The following RAPGEF2 variants were observed in gnomAD, a reference collection of about 807,000 sequenced individuals.
RAPGEF2 encodes the protein PDZ domain containing guanine nucleotide exchange factor (GEF) 1.
Under a neutral mutation model 186.7 loss-of-function variants are expected in RAPGEF2, and 54 were observed. The ratio of observed to expected loss-of-function variants is 0.29; its 90% CI spans 0.23 to 0.36. The LOEUF (loss-of-function observed/expected upper bound fraction) is 0.36, where lower values mean the gene tolerates loss of function less well. RAPGEF2 is among the 10% of genes least tolerant of loss of function. RAPGEF2 has a pLI of 1.00. For missense variants in RAPGEF2, 1,532 were observed against 2,045.0 expected (o/e 0.75, Z 4.84); for synonymous variants, 712 against 705.9 (o/e 1.01, Z -0.14).
chr4:159,313,678 A>G (rs940637109), intron 8 of RAPGEF2, among the ~76,000 whole-genome samples: 3 of 152,192 alleles, frequency 2.0e-5, no homozygotes, highest in African/African-American at 7.2e-5. Context: ...GATGTTTTCA[A>G]GATTTTAATA....
At chr4:159,249,542 A>G (rs1755054260) in intron 7 of RAPGEF2, among the ~76,000 whole-genome samples, 1 of 151,984 alleles carries the variant, frequency 6.6e-6, no homozygotes, top group South Asian at 2.1e-4. Context: ...TATAGATGCT[A>G]GGTTTTAAAT....
At chr4:159,256,447 A>G (rs74451654) in intron 7 of RAPGEF2, among the ~76,000 whole-genome samples, 1 of 152,172 alleles carries the variant, frequency 6.6e-6, no homozygotes, top group Non-Finnish European at 1.5e-5. Flanking sequence ...CCAGTCTATC[A>G]TTGATGGGTA....
intron 9 of RAPGEF2, among the ~76,000 whole-genome samples, chr4:159,321,961 A>C (rs993717599): frequency 1.3e-5 from 2 of 152,242 alleles, no homozygotes; most frequent in Admixed American, 6.5e-5. Flanking sequence ...TCACCTGCCC[A>C]AAAGGCACAG....
Position 159,356,156 on chromosome 4 carries a change from A to G in RAPGEF2, c.4955A>G (p.Asp1652Gly), listed in dbSNP as rs779870424. The change falls in exon 29 of 30, where the codon GAT becomes GGT. Residue 1652 changes from aspartate to glycine, a missense_variant and splice_region_variant. Coordinates refer to ENST00000691494, the MANE Select transcript of RAPGEF2 (RefSeq NM_001394067.2). ...YQSQGFSTEE[D>G]EDEQVSAV The stretch of plus-strand genomic sequence containing the variant: ...TCCCAAGGGTTTTCCACCGAGGAGG[A>G]TGGTATATGCACATAAATATTCCTA... 11 of 1,613,162 alleles carry G rather than the reference A, an allele frequency of 6.8e-6. No homozygotes were observed. The highest frequency in any genetic ancestry group is 9.3e-6 in the Non-Finnish European group (11 of 1,179,360).
chr4:159,193,290 T>G (rs1280253594), intron 3 of RAPGEF2, 34 bp downstream of exon 3: 2 of 1,329,224 alleles, frequency 1.5e-6, no homozygotes, highest in Non-Finnish European at 2.0e-6. Flanking sequence ...ACAATGTATC[T>G]AATCCAGTGA....
intron 7 of RAPGEF2, among the ~76,000 whole-genome samples, chr4:159,284,824 G>A (rs147788255): frequency 1.7e-3 from 263 of 152,284 alleles, no homozygotes; most frequent in African/African-American, 5.8e-3. Context: ...AGGCCAAGGC[G>A]GGAGATCACT....
chr4:159,249,637 AT>A (rs1316592033), intron 7 of RAPGEF2, among the ~76,000 whole-genome samples: 1 of 151,956 alleles, frequency 6.6e-6, no homozygotes, highest in African/African-American at 2.4e-5. Context: ...TCTATATAAA[AT>A]TTCCCCCTTA....
chr4:159,108,041 T>G (rs1387318844), intron 1 of RAPGEF2, among the ~76,000 whole-genome samples: 1 of 152,214 alleles, frequency 6.6e-6, no homozygotes, highest in African/African-American at 2.4e-5. Context: ...AAGAAATGAT[T>G]GGCCACAAGC....
At chr4:159,199,892 A>T (rs1749223733) in intron 3 of RAPGEF2, among the ~76,000 whole-genome samples, 1 of 152,182 alleles carries the variant, frequency 6.6e-6, no homozygotes, top group African/African-American at 2.4e-5. Flanking sequence ...CAGCATATGA[A>T]TCTAAAAGAG....
intron 7 of RAPGEF2, among the ~76,000 whole-genome samples, chr4:159,266,321 A>C (rs1757422654): frequency 6.6e-6 from 1 of 152,172 alleles, no homozygotes; most frequent in South Asian, 2.1e-4. Context: ...ACAAGTCAGC[A>C]AGCACTGACA....
At chr4:159,112,649 G>A (rs1427629382) in intron 1 of RAPGEF2, among the ~76,000 whole-genome samples, 1 of 152,016 alleles carries the variant, frequency 6.6e-6, no homozygotes, top group Non-Finnish European at 1.5e-5. Context: ...CTTTGTTATA[G>A]AATTCTAATT....
intron 7 of RAPGEF2, among the ~76,000 whole-genome samples, chr4:159,273,483 A>T (rs922615211): frequency 1.2e-4 from 18 of 150,170 alleles, no homozygotes; most frequent in African/African-American, 4.4e-4. Context: ...ATGATCCATT[A>T]AAAAATCTGT....
chr4:159,269,836 A>G (rs1332035194), intron 7 of RAPGEF2, among the ~76,000 whole-genome samples: 2 of 152,120 alleles, frequency 1.3e-5, no homozygotes, highest in African/African-American at 4.8e-5. Context: ...AGTGAAATCC[A>G]TCTCTATTTA....
intron 11 of RAPGEF2, among the ~76,000 whole-genome samples, chr4:159,325,925 C>T (rs571450571): frequency 3.9e-5 from 6 of 152,204 alleles, no homozygotes; most frequent in Non-Finnish European, 8.8e-5. Context: ...CAAAAGAAAA[C>T]TCTGATTAAG....
At chr4:159,104,515 A>AGAGAGAGAGG (rs1737596564) in intron 1 of RAPGEF2, among the ~76,000 whole-genome samples, 3 of 130,320 alleles carry the variant, frequency 2.3e-5, no homozygotes, top group African/African-American at 1.0e-4. Context: ...AGAGAGAGAG[A>AGAGAGAGAGG]GAGAGAGAGA....
intron 7 of RAPGEF2, among the ~76,000 whole-genome samples, chr4:159,277,070 C>G (rs562683926): frequency 7.3e-6 from 1 of 136,120 alleles, no homozygotes; most frequent in Non-Finnish European, 1.6e-5. Flanking sequence ...CTATCCCTCC[C>G]CCCTCCCCCT....
intron 4 of RAPGEF2, among the ~76,000 whole-genome samples, chr4:159,232,227 C>A (rs750490693): frequency 6.6e-6 from 1 of 152,168 alleles, no homozygotes; most frequent in Non-Finnish European, 1.5e-5. Flanking sequence ...AGTGGCGCTA[C>A]CTCTTTCTAA....
chr4:159,334,878 G>A lies in RAPGEF2; in HGVS notation c.2135+2181G>A, dbSNP rs191522004. Among the ~76,000 whole-genome samples the A allele has an allele frequency of 2.6e-5, 4 of 152,158 alleles. No homozygotes were observed. In the East Asian group the frequency reaches 7.7e-4, roughly 29 times the overall value. The stretch of plus-strand genomic sequence containing the variant: ...ATAATTTGTATTTAGGAAAATATAT[G>A]GCTCATTTAAAGATTTATCATGAAA... On this transcript the variant is annotated intron_variant, in intron 17 of 29. Transcript: ENST00000691494.
chr4:159,174,214 ATAGTATGCATTT>A (rs1278490660), intron 1 of RAPGEF2, among the ~76,000 whole-genome samples: 8 of 152,210 alleles, frequency 5.3e-5, no homozygotes, highest in African/African-American at 1.9e-4. Context: ...AACATGGTGC[ATAGTATGCATTT>A]TAGGTTGCTA....
Sources: allele counts gnomAD v4.1 joint callset (sites outside exome capture counted in the v4.1 genomes callset), GRCh38; gene constraint gnomAD v4.1.1; transcripts MANE v1.5; gene names NCBI Gene and HGNC (gene_info 2026-07-23, HGNC 2026-07-21).